Variants in CAMSAP3 observed in about 807,000 individuals in gnomAD.
CAMSAP3 encodes calmodulin regulated spectrin associated protein family member 3, also known as calmodulin-regulated spectrin-associated protein 3.
In CAMSAP3, 34 loss-of-function variants were observed where a neutral mutation model predicts 112.5. That is an observed-to-expected ratio of 0.30 (90% CI 0.23 to 0.40). The LOEUF (loss-of-function observed/expected upper bound fraction) is 0.40. Among genes scored for constraint, CAMSAP3 ranks in the 10% least tolerant of loss-of-function variants. CAMSAP3 has a pLI of 1.00. For missense variants in CAMSAP3, 1,602 were observed against 1,770.3 expected (o/e 0.90, Z 1.71); for synonymous variants, 868 against 799.8 (o/e 1.09, Z -1.44).
chr19:7,612,250 C>G lies in CAMSAP3; in HGVS notation c.1757C>G (p.Pro586Arg). Residue 586 changes from proline (P) to arginine (R), a missense_variant, in exon 11 of 17, where the codon CCC (proline) becomes CGC (arginine). By Grantham distance (103) the Pro-to-Arg change is moderately radical. This residue lies in a region of CAMSAP3 where 1,100 missense variants were observed against 1,135.7 expected (regional missense o/e 0.97). Transcript: ENST00000160298. ...GAGGCTGAGGCCGGAGCGGGGTCCC[C>G]CACGTCCACTCCGGCCCCGCCGGAG... ...KAEAEAGAGS[P>R]TSTPAPPEAL... 1 of 1,592,390 alleles carries G rather than the reference C, an allele frequency of 6.3e-7. No homozygotes were observed. Among genetic ancestry groups the G allele is most frequent in the Non-Finnish European group, 8.5e-7 (1 of 1,170,268 alleles).
chr19:7,616,934 CTTTTT>C (rs545769780), intron 14 of CAMSAP3, among the ~76,000 whole-genome samples: 5 of 83,032 alleles, frequency 6.0e-5, no homozygotes, highest in Admixed American at 1.6e-4. Flanking sequence ...TGTGGCCCGC[CTTTTT>C]TTTTTTTTTT....
rs2030257302 is a variant in CAMSAP3 at position 7,606,957 on chromosome 19, A to G, written c.621+386A>G. On this transcript the variant is annotated intron_variant, in intron 4 of 16. Coordinates refer to ENST00000160298, the MANE Select transcript of CAMSAP3 (RefSeq NM_020902.2). ...AGGTTGGACCCCAGTCCTGGGAGAC[A>G]GGGAGAACCCCTCTGTGAACCAAGA... is the stretch of plus-strand genomic sequence containing the variant. 6.0e-6 allele frequency: 5 copies of G among 837,604 alleles called. No homozygotes were observed. The South Asian group carries it at 7.0e-5, about 12-fold the overall frequency. The allele number at this position is 837,604 out of a possible 1,614,324, so 51.9% of individuals were successfully genotyped here.
Position 7,611,536 on chromosome 19 carries a change from G to T in CAMSAP3, c.1143G>T (p.Pro381=), listed in dbSNP as rs114173574. The T allele has an allele frequency of 1.9e-6, 3 of 1,612,298 alleles. No individual in the cohort carries two copies. The highest frequency in any genetic ancestry group is 2.7e-5 in the African/African-American group (2 of 74,852). ...RGSTGSLKSS[P]SMSHMEALGK... ...CCCCAGGCTCCCTGAAGTCTTCCCC[G>T]TCCATGTCCCATATGGAGGCCCTGG... The change falls in exon 10 of 17, where the codon CCG becomes CCT. Residue 381 remains proline (P), a synonymous_variant. Transcript: ENST00000160298. The surrounding 1 kb of genome is among the most constrained non-coding windows in gnomAD (Gnocchi z 6.9).
intron 4 of CAMSAP3, 41 bp downstream of exon 4, chr19:7,606,612 G>A (rs749990673): frequency 1.8e-5 from 28 of 1,515,630 alleles, no homozygotes; most frequent in Non-Finnish European, 2.4e-5. Flanking sequence ...ATGGGGGACC[G>A]GAGATCTGGG....
In CAMSAP3 at chr19:7,611,600, A is replaced by G; in HGVS notation, c.1193+14A>G. 1 of 1,610,834 alleles carries G rather than the reference A, an allele frequency of 6.2e-7. No individual in the cohort carries two copies. Among genetic ancestry groups the G allele is most frequent in the Non-Finnish European group, 8.5e-7 (1 of 1,178,972 alleles). ...CCGGCAGCTCAGGTGAGTAGACCTC[A>G]CAGGCCAGGGTAGGGGGTGGAGCAG... On this transcript the variant is annotated intron_variant, in intron 10 of 16. Coordinates refer to ENST00000160298, the MANE Select transcript of CAMSAP3 (RefSeq NM_020902.2). This position sits in a 1 kb window ranked among gnomAD's most constrained non-coding sequence, Gnocchi z 6.9.
rs755416744 is a variant in CAMSAP3 at position 7,612,363 on chromosome 19, A to G, written c.1870A>G (p.Ile624Val). 1.1e-5 allele frequency: 17 copies of G among 1,602,564 alleles called. No homozygotes were observed. The East Asian group carries it at 1.6e-4, about 15-fold the overall frequency. The change falls in exon 11 of 17, where the codon ATA (isoleucine) becomes GTA (valine). Residue 624 changes from isoleucine (I) to valine (V), a missense_variant. Physicochemically the swap from Ile to Val is conservative, Grantham distance 29. This residue lies in a region of CAMSAP3 where 1,100 missense variants were observed against 1,135.7 expected (regional missense o/e 0.97). Transcript: ENST00000160298. ...IEAQKRRIEA[I>V]FAKHRQRLGK... is the part of the protein sequence containing the mutation. The stretch of plus-strand genomic sequence containing the variant: ...GGCTCAGAAGCGACGGATTGAGGCC[A>G]TATTCGCCAAGCACCGCCAGCGGCT...
At chr19:7,597,665 G>C (rs1191369592) in intron 1 of CAMSAP3, among the ~76,000 whole-genome samples, 1 of 152,206 alleles carries the variant, frequency 6.6e-6, no homozygotes, top group East Asian at 1.9e-4. Flanking sequence ...AGAATTCTTC[G>C]CGTGGCACGG....
chr19:7,605,557 C>T (rs1481381285), intron 2 of CAMSAP3, 78 bp downstream of exon 2: 3 of 1,394,394 alleles, frequency 2.2e-6, no homozygotes, highest in African/African-American at 1.5e-5. Flanking sequence ...CCAGTCCTGG[C>T]TCCTCCCAAG....
At position 7,612,809 on chromosome 19, in the gene CAMSAP3, C is replaced by T. The variant is rs781026473; in HGVS notation, c.2316C>T (p.Pro772=). Residue 772 remains proline (P), a synonymous_variant, in exon 11 of 17, where the codon CCC becomes CCT. Coordinates refer to ENST00000160298, the MANE Select transcript of CAMSAP3 (RefSeq NM_020902.2). ...CGGCCACCCGGCGCAGCCCTGGGCC[C>T]GGGCCCAGCCAGTCACCCCGCAGCC... The part of the protein sequence containing the change: ...RVPATRRSPG[P]GPSQSPRSPK... 3.9e-5 allele frequency: 61 copies of T among 1,545,006 alleles called. 2 individuals carry two copies. The South Asian group carries it at 5.7e-4, about 15-fold the overall frequency.
chr19:7,617,856 G>A lies in CAMSAP3; in HGVS notation c.3549G>A (p.Ser1183=), dbSNP rs1285433722. 8.1e-6 allele frequency: 13 copies of A among 1,613,772 alleles called. No individual in the cohort carries two copies. Among genetic ancestry groups the A allele is most frequent in the East Asian group, 2.2e-5 (1 of 44,890 alleles). ...YTLSGETEEL[S]RLAGYGPRTV... ...TGTCGGGGGAGACAGAGGAGCTGTC[G>A]CGGCTGGCAGGGTATGGGCCCCGGA... Residue 1183 remains serine, a synonymous_variant, in exon 17 of 17, where the codon TCG becomes TCA. Coordinates refer to ENST00000160298, the MANE Select transcript of CAMSAP3 (RefSeq NM_020902.2). The surrounding 1 kb of genome is among the most constrained non-coding windows in gnomAD (Gnocchi z 7.5).
In CAMSAP3 at chr19:7,611,213, T is replaced by C; in HGVS notation, c.1123+45T>C. ...CTTCTGTCACGGGGGACCCCCCCAC[T>C]CACAGACTGCCCCAGTGGGCCTCAT... On this transcript the variant is annotated intron_variant, in intron 9 of 16. Transcript: ENST00000160298. The surrounding 1 kb of genome is among the most constrained non-coding windows in gnomAD (Gnocchi z 6.9). 1 of 1,578,976 alleles carries C rather than the reference T, an allele frequency of 6.3e-7. No homozygotes were observed. Among genetic ancestry groups the C allele is most frequent in the Non-Finnish European group, 8.7e-7 (1 of 1,149,890 alleles).
rs754096849 is a variant in CAMSAP3 at position 7,611,701 on chromosome 19, A to T, written c.1208A>T (p.Gln403Leu). 17 of 1,560,370 alleles carry T rather than the reference A, an allele frequency of 1.1e-5. No homozygotes were observed. The highest frequency in any genetic ancestry group is 1.5e-5 in the Non-Finnish European group (17 of 1,150,406). ...WNRQLSRPLSQAVSFSTPFGL... is the reference protein window; with the variant it reads ...WNRQLSRPLSLAVSFSTPFGL... ...CGGCCGCCCAGCCGTCCCCTCTCCC[A>T]GGCTGTGTCATTCAGCACCCCCTTT... Residue 403 changes from glutamine (Q) to leucine (L), a missense_variant, in exon 11 of 17, where the codon CAG (glutamine) becomes CTG (leucine). Transcript: ENST00000160298. This position sits in a 1 kb window ranked among gnomAD's most constrained non-coding sequence, Gnocchi z 6.9.
chr19:7,596,020 C>G lies in CAMSAP3; in HGVS notation c.18C>G (p.Pro6=), dbSNP rs1411599982. Residue 6 remains proline (P), a synonymous_variant, in exon 1 of 17, where the codon CCC becomes CCG. Coordinates refer to ENST00000160298, the MANE Select transcript of CAMSAP3 (RefSeq NM_020902.2). ...GCGCCGCCATGGTGGAGGCGGCGCC[C>G]CCCGGGCCCGGGCCGCTGCGGAGGA... is the stretch of plus-strand genomic sequence containing the variant. MVEAA[P]PGPGPLRRTF... is the part of the protein sequence containing the mutation. The G allele has an allele frequency of 2.5e-6, 3 of 1,179,858 alleles. No individual in the cohort carries two copies. Among genetic ancestry groups the G allele is most frequent in the Non-Finnish European group, 3.2e-6 (3 of 933,616 alleles). The allele number at this position is 1,179,858 out of a possible 1,614,324, so 73.1% of individuals were successfully genotyped here.
chr19:7,614,751 C>T (rs554147199), intron 11 of CAMSAP3: 3 of 213,522 alleles, frequency 1.4e-5, no homozygotes, highest in Non-Finnish European at 2.8e-5. Flanking sequence ...CTCAGGGCCT[C>T]GGCACTAGCT....
At chr19:7,616,473 T>C in intron 13 of CAMSAP3, 50 bp from the exon 14 acceptor site, 1 of 1,314,120 alleles carries the variant, frequency 7.6e-7, no homozygotes, top group East Asian at 2.3e-5. Flanking sequence ...CCGGGTGTTG[T>C]GGAGGGCAGG....
rs930218294 is a variant in CAMSAP3 at position 7,616,377 on chromosome 19, G to A, written c.3113-146G>A. 4.8e-6 allele frequency: 3 copies of A among 623,908 alleles called. No individual in the cohort carries two copies. In the African/African-American group the frequency reaches 5.5e-5, roughly 11 times the overall value. 38.6% of individuals were successfully genotyped at this position (623,908 alleles called of 1,614,324 possible). A position where few individuals can be genotyped will look rare whatever the true frequency, so the allele number is the denominator to read the frequency against. Reference sequence around the variant, plus strand: ...TGGGCAAAGCATCCTCCCTCATAGAGGGGTCCCCCCATAGGGGTGCTGCAG... The same window carrying A: ...TGGGCAAAGCATCCTCCCTCATAGAAGGGTCCCCCCATAGGGGTGCTGCAG... On this transcript the variant is annotated intron_variant, in intron 13 of 16. Coordinates refer to ENST00000160298, the MANE Select transcript of CAMSAP3 (RefSeq NM_020902.2).
At position 7,607,877 on chromosome 19, in the gene CAMSAP3, TC is replaced by T; in HGVS notation, c.622-244del. On this transcript the variant is annotated intron_variant, in intron 4 of 16. Coordinates refer to ENST00000160298, the MANE Select transcript of CAMSAP3 (RefSeq NM_020902.2). This position sits in a 1 kb window ranked among gnomAD's most constrained non-coding sequence, Gnocchi z 4.9. ...GGAGCAAACCCCCCATGGTAATGTA[TC>T]CCCCGCCCCGGGGTCCCAGGAGTCC... The T allele has an allele frequency of 6.2e-6, 7 of 1,131,120 alleles. No individual in the cohort carries two copies. The highest frequency in any genetic ancestry group is 9.0e-6 in the Non-Finnish European group (7 of 780,848). 70.1% of individuals were successfully genotyped at this position (1,131,120 alleles called of 1,614,324 possible). A position where few individuals can be genotyped will look rare whatever the true frequency, so the allele number is the denominator to read the frequency against.
intron 1 of CAMSAP3, among the ~76,000 whole-genome samples, chr19:7,597,265 C>T (rs1389736007): frequency 6.6e-6 from 1 of 152,172 alleles, no homozygotes; most frequent in Non-Finnish European, 1.5e-5. Flanking sequence ...TTCTCCCAGA[C>T]AGTCTCTGTC....
intron 11 of CAMSAP3, among the ~76,000 whole-genome samples, chr19:7,613,978 G>A (rs908264564): frequency 6.6e-6 from 1 of 152,064 alleles, no homozygotes; most frequent in African/African-American, 2.4e-5. Flanking sequence ...CCTCCCCAGG[G>A]TGGCCGGGCG....
Sources: allele counts gnomAD v4.1 joint callset (sites outside exome capture counted in the v4.1 genomes callset), GRCh38; gene constraint gnomAD v4.1.1; regional missense constraint gnomAD v4.1.1; non-coding constraint Gnocchi (gnomAD v3.1); transcripts MANE v1.5; gene names NCBI Gene and HGNC (gene_info 2026-07-23, HGNC 2026-07-21).